The following ACSL4 variants were observed in gnomAD, a reference collection of about 807,000 sequenced individuals.
ACSL4 encodes the protein acyl-CoA synthetase long chain family member 4.
Under a neutral mutation model 49.1 loss-of-function variants are expected in ACSL4, and 9 were observed. The observed-to-expected ratio is 0.18, with a 90% confidence interval of 0.11 to 0.32. The LOEUF (loss-of-function observed/expected upper bound fraction) is 0.32, where lower values mean the gene tolerates loss of function less well. ACSL4 is among the 10% of genes least tolerant of loss of function. The pLI is 1.00. For synonymous variants in ACSL4, 191 were observed against 170.3 expected (o/e 1.12, Z -0.95); for missense variants, 333 against 493.7 (o/e 0.67, Z 3.08).
chrX:109,644,647 C>T (rs1461081106), intron 15 of ACSL4, among the ~76,000 whole-genome samples: 1 of 112,157 alleles, frequency 8.9e-6, no homozygotes. Flanking sequence ...ACATCCCTGA[C>T]CACTCATAAC....
chrX:109,644,417 A>C (rs1934550086), intron 15 of ACSL4, among the ~76,000 whole-genome samples: 2 of 110,996 alleles, frequency 1.8e-5, no homozygotes, highest in Middle Eastern at 4.6e-3. Flanking sequence ...TATATTTCTC[A>C]AAGTATACCT....
chrX:109,665,439 C>T lies in ACSL4; in HGVS notation c.1371G>A (p.Lys457=). 2.5e-6 allele frequency: 3 copies of T among 1,210,108 alleles called. No individual in the cohort carries two copies. Among genetic ancestry groups the T allele is most frequent in the South Asian group, 3.5e-5 (2 of 56,971 alleles). The change falls in exon 12 of 16, where the codon AAG becomes AAA. Residue 457 remains lysine, a synonymous_variant. Coordinates refer to ENST00000672401, the MANE Select transcript of ACSL4 (RefSeq NM_001318510.2). ...TCTTACCTTCTTGCCAGTCTTTTAGCTTAATTTCACAGCAAATAAGAGGTG... is the reference window on the plus strand; with the variant it reads ...TCTTACCTTCTTGCCAGTCTTTTAGTTTAATTTCACAGCAAATAAGAGGTG... The part of the protein sequence containing the change: ...VGAPLICCEI[K]LKDWQEGGYT...
intron 13 of ACSL4, among the ~76,000 whole-genome samples, chrX:109,662,215 C>T (rs1436293644): frequency 9.0e-6 from 1 of 111,401 alleles, no homozygotes; most frequent in Non-Finnish European, 1.9e-5. Flanking sequence ...GATGGCACAG[C>T]TTGAATAATC....
intron 2 of ACSL4, among the ~76,000 whole-genome samples, chrX:109,688,329 T>C (rs2147462563): frequency 8.9e-6 from 1 of 111,826 alleles, no homozygotes; most frequent in East Asian, 2.8e-4. Flanking sequence ...CATTACACCC[T>C]GTCTTTATAA....
intron 1 of ACSL4, among the ~76,000 whole-genome samples, chrX:109,704,277 ATT>A (rs779705175): frequency 3.0e-4 from 33 of 111,468 alleles, no homozygotes; most frequent in African/African-American, 9.4e-4. Flanking sequence ...GTTTATTTTT[ATT>A]TTTCTTACTT....
intron 15 of ACSL4, among the ~76,000 whole-genome samples, chrX:109,646,681 T>C (rs1406778291): frequency 4.3e-4 from 48 of 110,358 alleles, no homozygotes; most frequent in Non-Finnish European, 7.8e-4. Context: ...ATATTAACTT[T>C]AAATGTAAAT....
intron 12 of ACSL4, among the ~76,000 whole-genome samples, chrX:109,664,478 A>G (rs781100400): frequency 8.9e-6 from 1 of 112,033 alleles, no homozygotes; most frequent in African/African-American, 3.2e-5. Flanking sequence ...ATTACCATGG[A>G]AAAAGGGAAG....
chrX:109,647,888 A>G (rs1302960104), intron 15 of ACSL4, among the ~76,000 whole-genome samples: 1 of 111,730 alleles, frequency 9.0e-6, no homozygotes, highest in Non-Finnish European at 1.9e-5. Flanking sequence ...AGAGAATACT[A>G]CAAACACCTC....
intron 1 of ACSL4, among the ~76,000 whole-genome samples, chrX:109,716,581 A>G (rs935394024): frequency 1.8e-5 from 2 of 112,024 alleles, no homozygotes; most frequent in Non-Finnish European, 3.8e-5. Context: ...TGGTTATAAT[A>G]CTCCAGCAAG....
In ACSL4 at chrX:109,691,893, C is replaced by A. The variant is rs1925062812; in HGVS notation, c.-13+4251G>T. On this transcript the variant is annotated intron_variant, in intron 2 of 15. Transcript: ENST00000672401. ...CATTTTAAAACCAAGAAAAGCAAAA[C>A]AAAACCTAAGATGACTATAGAGATG... 3.6e-5 allele frequency: 4 copies of A among 111,608 alleles called. No individual in the cohort carries two copies. The South Asian group carries it at 1.5e-3, about 42-fold the overall frequency. 9.2% of individuals were successfully genotyped at this position (111,608 alleles called of 1,213,427 possible). A position where few individuals can be genotyped will look rare whatever the true frequency, so the allele number is the denominator to read the frequency against.
At chrX:109,675,291 CTTCT>C (rs918133561) in intron 8 of ACSL4, among the ~76,000 whole-genome samples, 3 of 112,425 alleles carry the variant, frequency 2.7e-5, no homozygotes, top group Non-Finnish European at 5.6e-5. Flanking sequence ...ACAAGAAGCC[CTTCT>C]TTGTTTTTTT....
Position 109,645,037 on chromosome X carries a change from G to A in ACSL4, c.1856-851C>T, listed in dbSNP as rs771693141. Reference sequence around the variant, plus strand: ...GAGGGTCCTACGCCCACGGAGTCTCGCTGATTGCTAGCACAGCAGTCTGAG... The same window carrying A: ...GAGGGTCCTACGCCCACGGAGTCTCACTGATTGCTAGCACAGCAGTCTGAG... On this transcript the variant is annotated intron_variant, in intron 15 of 15. Transcript: ENST00000672401. Among the ~76,000 whole-genome samples, 22 of 112,058 alleles carry A rather than the reference G, an allele frequency of 2.0e-4. No homozygotes were observed. The South Asian group carries it at 3.3e-3, about 17-fold the overall frequency.
chrX:109,686,196 T>C (rs989669214), intron 2 of ACSL4, among the ~76,000 whole-genome samples: 1 of 112,021 alleles, frequency 8.9e-6, no homozygotes, highest in Non-Finnish European at 1.9e-5. Context: ...ATTAGCAATA[T>C]CTACCACTCA....
At position 109,659,495 on chromosome X, in the gene ACSL4, T is replaced by C. The variant is rs748357250; in HGVS notation, c.1714A>G (p.Ile572Val). 18 of 1,197,445 alleles carry C rather than the reference T, an allele frequency of 1.5e-5. No homozygotes were observed. In the South Asian group the frequency reaches 2.1e-4, roughly 14 times the overall value. Reference sequence around the variant, plus strand: ...TTCTGGTTAGGAACCACAAAACTGATCACATAGGACTGATCACTAAAAAAA... The same window carrying C: ...TTCTGGTTAGGAACCACAAAACTGACCACATAGGACTGATCACTAAAAAAA... ...AFAKSDQSYV[I>V]SFVVPNQKRL... Residue 572 changes from isoleucine (I) to valine (V), a missense_variant, in exon 15 of 16, where the codon ATC (isoleucine) becomes GTC (valine). Physicochemically the swap from Ile to Val is conservative, Grantham distance 29. Transcript: ENST00000672401.
chrX:109,655,095 G>A (rs1921517492), intron 15 of ACSL4, among the ~76,000 whole-genome samples: 2 of 111,541 alleles, frequency 1.8e-5, no homozygotes, highest in Non-Finnish European at 3.8e-5. Context: ...AGACACTAAC[G>A]TTGGAATGCC....
Position 109,665,460 on chromosome X carries a change from A to G in ACSL4, c.1350T>C (p.Pro450=), listed in dbSNP as rs1400577531. 8.3e-7 allele frequency: 1 copy of G among 1,210,621 alleles called. No homozygotes were observed. Among genetic ancestry groups the G allele is most frequent in the Non-Finnish European group, 1.1e-6 (1 of 894,483 alleles). Residue 450 remains proline, a synonymous_variant, in exon 12 of 16, where the codon CCT becomes CCC. Transcript: ENST00000672401. The part of the protein sequence containing the change: ...TDYTTGRVGA[P]LICCEIKLKD... ...TTAGCTTAATTTCACAGCAAATAAG[A>G]GGTGCTCCAACTCTGCCAGTAGTAT... is the stretch of plus-strand genomic sequence containing the variant.
chrX:109,724,852 T>C (rs1238232156), intron 1 of ACSL4, among the ~76,000 whole-genome samples: 1 of 110,230 alleles, frequency 9.1e-6, no homozygotes, highest in Admixed American at 9.7e-5. Flanking sequence ...ACGGAGGTTG[T>C]AGTGAGCCGA....
chrX:109,652,602 C>A (rs978435685), intron 15 of ACSL4, among the ~76,000 whole-genome samples: 1 of 111,235 alleles, frequency 9.0e-6, no homozygotes, highest in Non-Finnish European at 1.9e-5. Flanking sequence ...CTATATATTT[C>A]TTGAAATACT....
intron 12 of ACSL4, 93 bp from the exon 13 acceptor site, chrX:109,663,495 A>G (rs1922347586): frequency 1.3e-6 from 1 of 780,906 alleles, no homozygotes; most frequent in Admixed American, 2.4e-5. Context: ...TCTGCTGATC[A>G]GATTTTATAT....
Sources: allele counts gnomAD v4.1 joint callset (sites outside exome capture counted in the v4.1 genomes callset), GRCh38; gene constraint gnomAD v4.1.1; transcripts MANE v1.5; gene names NCBI Gene and HGNC (gene_info 2026-07-23, HGNC 2026-07-21).